The following SPG7 variants were observed in gnomAD, a reference collection of about 807,000 sequenced individuals.
SPG7 encodes mitochondrial inner membrane m-AAA protease component paraplegin.
A neutral mutation model predicts 81.9 loss-of-function variants in SPG7; 103 were observed. That is an observed-to-expected ratio of 1.26 (90% CI 1.07 to 1.48). The LOEUF (loss-of-function observed/expected upper bound fraction) is 1.48, where lower values mean the gene tolerates loss of function less well. Among genes scored for constraint, SPG7 ranks in the 40% most tolerant of loss-of-function variants. The pLI is 0.00. For synonymous variants in SPG7, 534 were observed against 444.2 expected (o/e 1.20, Z -2.54); for missense variants, 1,241 against 1,087.3 (o/e 1.14, Z -1.99).
intron 10 of SPG7, 83 bp from the exon 11 acceptor site, chr16:89,546,571 ACCCC>A: frequency 6.5e-6 from 5 of 773,984 alleles, no homozygotes; most frequent in East Asian, 2.7e-5. Flanking sequence ...CTACTTGGGG[ACCCC>A]CCCCCCCCAC....
At chr16:89,517,695 T>C (rs1484705521) in intron 3 of SPG7, 1 of 150,666 alleles carries the variant, frequency 6.6e-6, no homozygotes, top group East Asian at 2.0e-4. Flanking sequence ...TCTCGGCTCA[T>C]TGCAAACTCC....
intron 9 of SPG7, chr16:89,538,402 C>T (rs569762423): frequency 3.9e-5 from 6 of 152,266 alleles, no homozygotes; most frequent in Admixed American, 3.9e-4. Context: ...GACAGTGAGC[C>T]TGGGGGACGG....
rs570411734 is a variant in SPG7 at position 89,510,782 on chromosome 16, T to G, written c.286+190T>G. ...TGGGCTCAAGGGATCCTCCCCACTT[T>G]GCTTCCGGAGTAGCTAGGACTACAG... On this transcript the variant is annotated intron_variant, in intron 2 of 16. Coordinates refer to ENST00000645818, the MANE Select transcript of SPG7 (RefSeq NM_003119.4). 2.4e-3 allele frequency among the ~76,000 whole-genome samples: 362 copies of G among 152,290 alleles called. 4 individuals are homozygous for G. The highest frequency in any genetic ancestry group is 8.2e-3 in the African/African-American group (341 of 41,564).
intron 2 of SPG7, among the ~76,000 whole-genome samples, chr16:89,511,732 A>G (rs944715885): frequency 6.6e-6 from 1 of 152,010 alleles, no homozygotes; most frequent in Non-Finnish European, 1.5e-5. Flanking sequence ...CCCTATTTTT[A>G]TTATTTTTTA....
rs1308981523 is a variant in SPG7, at chr16:89,551,454, G to C, written c.1779+845G>C. ...CATCCCAGGGTCTCAGCAGGGCTGA[G>C]GCAGCGTTTGGGGACCAGATCCGTG... On this transcript the variant is annotated intron_variant, in intron 13 of 16. Transcript: ENST00000645818. 7 of 153,684 alleles carry C rather than the reference G, an allele frequency of 4.6e-5. No individual in the cohort carries two copies. The East Asian group carries it at 1.3e-3, about 30-fold the overall frequency. 9.5% of individuals were successfully genotyped at this position (153,684 alleles called of 1,614,324 possible).
intron 5 of SPG7, chr16:89,526,822 G>C: frequency 2.9e-6 from 1 of 346,982 alleles, no homozygotes; most frequent in Non-Finnish European, 5.6e-6. Flanking sequence ...GGATGGCGAA[G>C]TCTCAGCCCC....
At chr16:89,539,551 A>AT (rs2058470490) in intron 9 of SPG7, 1 of 151,608 alleles carries the variant, frequency 6.6e-6, no homozygotes, top group South Asian at 2.1e-4. Context: ...GATCCTAAAG[A>AT]TTTTCTCCTG....
intron 9 of SPG7, chr16:89,536,825 C>T (rs2058431216): frequency 1.2e-6 from 2 of 1,614,058 alleles, no homozygotes; most frequent in South Asian, 2.2e-5. Context: ...GGAAAGACCC[C>T]CGCCTGCTCC....
chr16:89,539,534 A>G (rs926488413), intron 9 of SPG7: 1 of 152,120 alleles, frequency 6.6e-6, no homozygotes, highest in Admixed American at 6.5e-5. Flanking sequence ...CTGTTTGCCT[A>G]TTCCTAGATC....
At chr16:89,512,916 T>G in intron 2 of SPG7, 32 bp from the exon 3 acceptor site, 1 of 1,610,230 alleles carries the variant, frequency 6.2e-7, no homozygotes, top group East Asian at 2.2e-5. Flanking sequence ...TTGCAAAACT[T>G]AATTGTTAAA....
At position 89,510,486 on chromosome 16, in the gene SPG7, T is replaced by TC; in HGVS notation, c.184-3dup. On this transcript the variant is annotated splice_region_variant and splice_polypyrimidine_tract_variant and intron_variant, in intron 1 of 16. Transcript: ENST00000645818. ...CTCCAGTATTGTTTTTTTTTTTTTT[T>TC]CAGAGCTTACAATTGAGACTGCTAA... 1.3e-6 allele frequency: 2 copies of TC among 1,534,824 alleles called. No individual in the cohort carries two copies. The highest frequency in any genetic ancestry group is 1.1e-5 in the South Asian group (1 of 88,918).
At chr16:89,527,392 A>T (rs2058279063) in intron 5 of SPG7, 1 of 152,246 alleles carries the variant, frequency 6.6e-6, no homozygotes, top group African/African-American at 2.4e-5. Context: ...GATGCCGGAG[A>T]TACCTAGTGA....
intron 11 of SPG7, chr16:89,547,260 C>G (rs1460263700): frequency 2.0e-5 from 4 of 195,288 alleles, no homozygotes; most frequent in Non-Finnish European, 3.2e-5. Flanking sequence ...TCGTTAGGGT[C>G]TTTCACTAGA....
At chr16:89,549,150 T>C (rs759394258) in intron 12 of SPG7, 23 of 456,724 alleles carry the variant, frequency 5.0e-5, no homozygotes, top group South Asian at 3.6e-4. Flanking sequence ...CCATTTACTT[T>C]TATGTGGAAA....
At chr16:89,529,262 C>G (rs568387299) in intron 5 of SPG7, 1 of 611,552 alleles carries the variant, frequency 1.6e-6, no homozygotes, top group African/African-American at 1.8e-5. Context: ...CACACTCAGT[C>G]TGACCATTTG....
chr16:89,531,535 G>T (rs368672071), intron 7 of SPG7: 60 of 315,570 alleles, frequency 1.9e-4, no homozygotes, highest in African/African-American at 1.2e-3. Flanking sequence ...CACCATGCAC[G>T]GCTAATTTTT....
At chr16:89,547,703 C>T (rs2058580989) in intron 11 of SPG7, 1 of 395,186 alleles carries the variant, frequency 2.5e-6, no homozygotes, top group African/African-American at 2.1e-5. Context: ...GCCTCCGCCT[C>T]CTGGGTTCAA....
Position 89,532,644 on chromosome 16 carries a change from C to T in SPG7, c.1324+8C>T. 6.2e-7 allele frequency: 1 copy of T among 1,613,108 alleles called. No homozygotes were observed. The highest frequency in any genetic ancestry group is 8.5e-7 in the Non-Finnish European group (1 of 1,180,018). On this transcript the variant is annotated splice_region_variant and intron_variant, in intron 9 of 16. Coordinates refer to ENST00000645818, the MANE Select transcript of SPG7 (RefSeq NM_003119.4). ...TTCTGGTAGAAATGGATGGTCAGTG[C>T]TCGTGCGCCCCGCACCCCCATTGCA...
intron 12 of SPG7, chr16:89,548,552 G>GGGCTCTGCGGAGAGGTGT (rs2058595176): frequency 3.2e-6 from 1 of 310,690 alleles, no homozygotes; most frequent in Non-Finnish European, 6.2e-6. Flanking sequence ...AGCGCAGCAG[G>GGGCTCTGCGGAGAGGTGT]GGCTCTGCGG....
Sources: allele counts gnomAD v4.1 joint callset (sites outside exome capture counted in the v4.1 genomes callset), GRCh38; gene constraint gnomAD v4.1.1; transcripts MANE v1.5; gene names NCBI Gene and HGNC (gene_info 2026-07-23, HGNC 2026-07-21).